Variants in LRBA observed in about 807,000 individuals in gnomAD.
LRBA encodes lipopolysaccharide-responsive and beige-like anchor protein.
LRBA carries 176 observed loss-of-function variants against 330.0 expected under a neutral mutation model. The observed-to-expected ratio is 0.53, with a 90% CI of 0.47 to 0.60. The LOEUF (loss-of-function observed/expected upper bound fraction) is 0.60, where lower values mean the gene tolerates loss of function less well. Ranked by LOEUF, LRBA falls within the 20% of genes least tolerant of loss-of-function variation. The pLI, the probability that LRBA is intolerant of heterozygous loss-of-function variation, is 0.00. For synonymous variants in LRBA, 1,230 were observed against 1,193.0 expected, an observed-to-expected ratio of 1.03 and a Z score of -0.64; for missense variants, 3,259 against 3,444.8, an observed-to-expected ratio of 0.95 and a Z score of 1.35.
At chr4:151,004,949 C>T (rs554747396) in intron 2 of LRBA, among the ~76,000 whole-genome samples, 6 of 152,102 alleles carry the variant, frequency 3.9e-5, no homozygotes, top group Non-Finnish European at 7.4e-5. Context: ...CAAGAGCATG[C>T]CATTGCACTC....
intron 43 of LRBA, among the ~76,000 whole-genome samples, chr4:150,468,749 T>C (rs1457739676): frequency 6.6e-6 from 1 of 152,068 alleles, no homozygotes; most frequent in Admixed American, 6.6e-5. Context: ...CTCAAATATA[T>C]ACTGATGTTA....
At chr4:150,539,154 T>G (rs1433015535) in intron 40 of LRBA, among the ~76,000 whole-genome samples, 1 of 152,086 alleles carries the variant, frequency 6.6e-6, no homozygotes, top group Non-Finnish European at 1.5e-5. Context: ...TTTTGTATTT[T>G]TAGTAAAGAT....
chr4:150,959,681 CAAAATTAA>C (rs1311034685), intron 2 of LRBA, among the ~76,000 whole-genome samples: 1 of 147,490 alleles, frequency 6.8e-6, no homozygotes, highest in African/African-American at 2.6e-5. Context: ...CTGTTACTTA[CAAAATTAA>C]TGAATAAAAG....
Position 150,877,237 on chromosome 4 carries a change from G to A in LRBA, c.2166-4482C>T, listed in dbSNP as rs1348584999. ...CGCGCCACTGCACTCCAGCCTGAAT[G>A]ACAGAGCAAGACTCCGTATCAAAAA... On this transcript the variant is annotated intron_variant, in intron 17 of 56. Coordinates refer to ENST00000651943, the MANE Select transcript of LRBA (RefSeq NM_001364905.1). Among the ~76,000 whole-genome samples the A allele has an allele frequency of 2.7e-4, 38 of 142,682 alleles. No homozygotes were observed. In the Admixed American group the frequency reaches 2.8e-3, roughly 11 times the overall value. 93.6% of individuals were successfully genotyped at this position (142,682 alleles called of 152,430 possible).
intron 44 of LRBA, among the ~76,000 whole-genome samples, chr4:150,464,402 G>A (rs1454494179): frequency 6.6e-6 from 1 of 151,986 alleles, no homozygotes; most frequent in Admixed American, 6.6e-5. Context: ...TTAAAGAGCT[G>A]CCCAGTTTTT....
At chr4:150,503,536 T>C (rs1760599429) in intron 40 of LRBA, among the ~76,000 whole-genome samples, 1 of 152,160 alleles carries the variant, frequency 6.6e-6, no homozygotes, top group Non-Finnish European at 1.5e-5. Flanking sequence ...GAGTCCTGTC[T>C]GTTAGAAGGA....
intron 37 of LRBA, among the ~76,000 whole-genome samples, chr4:150,674,980 G>A (rs901055324): frequency 6.6e-6 from 1 of 152,108 alleles, no homozygotes; most frequent in Admixed American, 6.5e-5. Context: ...CACTTTGGAA[G>A]CCAAGGTAGG....
chr4:150,339,516 G>A (rs1054768396), intron 48 of LRBA, among the ~76,000 whole-genome samples: 1 of 152,058 alleles, frequency 6.6e-6, no homozygotes, highest in Non-Finnish European at 1.5e-5. Flanking sequence ...AGTTGTGTTT[G>A]GCTTTTTTTC....
intron 29 of LRBA, among the ~76,000 whole-genome samples, chr4:150,829,373 T>G (rs140765263): frequency 1.1e-4 from 17 of 152,250 alleles, no homozygotes; most frequent in African/African-American, 3.1e-4. Context: ...AACACCTCCT[T>G]TTCTCTCTTT....
intron 2 of LRBA, among the ~76,000 whole-genome samples, chr4:150,952,688 A>G (rs1033236345): frequency 4.6e-5 from 7 of 151,548 alleles, no homozygotes; most frequent in Admixed American, 3.3e-4. Context: ...TTCTGTACCT[A>G]TCTCTCTCTG....
At chr4:150,554,030 T>G (rs1172065070) in intron 40 of LRBA, among the ~76,000 whole-genome samples, 1 of 152,176 alleles carries the variant, frequency 6.6e-6, no homozygotes, top group African/African-American at 2.4e-5. Context: ...TGTCTAGTGA[T>G]AAACCTTGCC....
chr4:150,711,651 AGAGAATATGT>A (rs1786232489), intron 36 of LRBA, among the ~76,000 whole-genome samples: 1 of 152,228 alleles, frequency 6.6e-6, no homozygotes, highest in Non-Finnish European at 1.5e-5. Flanking sequence ...ACTACCTTCT[AGAGAATATGT>A]AAGAAACCAT....
chr4:150,859,816 A>T (rs755468080), intron 22 of LRBA, among the ~76,000 whole-genome samples: 9 of 152,220 alleles, frequency 5.9e-5, no homozygotes, highest in African/African-American at 9.6e-5. Flanking sequence ...GTTCTTTATC[A>T]AGAACCATGT....
chr4:150,334,474 CAA>C (rs1188067202), intron 48 of LRBA, among the ~76,000 whole-genome samples: 1 of 151,920 alleles, frequency 6.6e-6, no homozygotes, highest in Admixed American at 6.6e-5. Context: ...AGATAAAAGT[CAA>C]GTTTGTATGT....
At position 150,770,432 on chromosome 4, in the gene LRBA, T is replaced by C. The variant is rs530853159; in HGVS notation, c.5581-8585A>G. Among the ~76,000 whole-genome samples the C allele has an allele frequency of 1.8e-4, 28 of 152,246 alleles. No homozygotes were observed. In the East Asian group the frequency reaches 4.0e-3, roughly 22 times the overall value. On this transcript the variant is annotated intron_variant, in intron 34 of 56. Coordinates refer to ENST00000651943, the MANE Select transcript of LRBA (RefSeq NM_001364905.1). ...CTTTCCTAATATCCCACAATTTACA[T>C]ATTTACATACTAGGATGTACAGTTA...
chr4:150,766,162 T>C (rs1735736683), intron 34 of LRBA, among the ~76,000 whole-genome samples: 1 of 152,028 alleles, frequency 6.6e-6, no homozygotes, highest in Non-Finnish European at 1.5e-5. Flanking sequence ...TGAAATAAAA[T>C]GTTCTCATTA....
intron 37 of LRBA, among the ~76,000 whole-genome samples, chr4:150,672,470 C>T (rs1782151911): frequency 6.6e-6 from 1 of 151,748 alleles, no homozygotes; most frequent in East Asian, 1.9e-4. Context: ...AGAAAATGTA[C>T]ATCTACAATT....
At chr4:150,737,632 G>A (rs558755265) in intron 35 of LRBA, among the ~76,000 whole-genome samples, 18 of 151,232 alleles carry the variant, frequency 1.2e-4, no homozygotes, top group African/African-American at 3.9e-4. Flanking sequence ...GTATACCACT[G>A]TGGGAAAAAA....
At chr4:150,768,800 A>C (rs1736130417) in intron 34 of LRBA, among the ~76,000 whole-genome samples, 1 of 152,146 alleles carries the variant, frequency 6.6e-6, no homozygotes, top group Non-Finnish European at 1.5e-5. Flanking sequence ...GACTCATAGA[A>C]AACAGACAAT....
Sources: gnomAD v4.1 joint callset for allele counts (sites outside exome capture counted in the v4.1 genomes callset) on GRCh38, gnomAD v4.1.1 for gene constraint, MANE v1.5 for transcripts, NCBI Gene and HGNC (gene_info 2026-07-23, HGNC 2026-07-21) for gene names.